Variants in RPL27 observed in about 807,000 individuals in gnomAD.
RPL27 encodes large ribosomal subunit protein eL27.
For missense variants in RPL27, 131 were observed against 174.3 expected, an observed-to-expected ratio of 0.75 and a Z score of 1.40; for synonymous variants, 77 against 61.0, an observed-to-expected ratio of 1.26 and a Z score of -1.22.
chr17:43,002,044 A>C (rs2050368312), intron 3 of RPL27, among the ~76,000 whole-genome samples: 1 of 151,516 alleles, frequency 6.6e-6, no homozygotes. Flanking sequence ...CAGTGAGCCG[A>C]GATTGCGCCA....
In RPL27 at chr17:43,000,088, C is replaced by T. The variant is rs767014631; in HGVS notation, c.237C>T (p.His79=). The T allele has an allele frequency of 1.2e-6, 2 of 1,612,068 alleles. No individual in the cohort carries two copies. The highest frequency in any genetic ancestry group is 1.1e-5 in the South Asian group (1 of 91,024). The change falls in exon 3 of 5, where the codon CAC becomes CAT. Residue 79 remains histidine, a synonymous_variant. Coordinates refer to ENST00000253788, the MANE Select transcript of RPL27 (RefSeq NM_000988.5). The part of the protein sequence containing the change: ...KSFVKVYNYN[H]LMPTRYSVDI... The stretch of plus-strand genomic sequence containing the variant: ...TTGTGAAAGTGTATAACTACAATCA[C>T]CTAATGCCCACAAGGTGAGCATTTC...
chr17:42,999,019 C>T (rs1017527693), intron 2 of RPL27, 188 bp downstream of exon 2: 1 of 566,500 alleles, frequency 1.8e-6, no homozygotes, highest in African/African-American at 1.9e-5. Flanking sequence ...AATTGGGCTC[C>T]CAACGCATAA....
intron 2 of RPL27, 39 bp downstream of exon 2, chr17:42,998,870 G>C: frequency 6.4e-7 from 1 of 1,564,960 alleles, no homozygotes; most frequent in Non-Finnish European, 8.8e-7. Context: ...TGCATGCCGG[G>C]ACCAGGCTGG....
chr17:42,999,427 AG>A (rs2050335686), intron 2 of RPL27: 1 of 155,538 alleles, frequency 6.4e-6, no homozygotes, highest in Admixed American at 6.4e-5. Flanking sequence ...AAGGTCACAT[AG>A]CCCCTCACTG....
At chr17:43,002,025 C>T (rs2050367941) in intron 3 of RPL27, among the ~76,000 whole-genome samples, 3 of 150,236 alleles carry the variant, frequency 2.0e-5, no homozygotes, top group African/African-American at 2.5e-5. Flanking sequence ...ACCTAGGAGG[C>T]GGAGGTTGCA....
intron 2 of RPL27, chr17:42,999,114 A>G (rs957662779): frequency 5.0e-6 from 2 of 400,860 alleles, no homozygotes; most frequent in Non-Finnish European, 9.1e-6. Flanking sequence ...CCTTTCAGGT[A>G]TTGTCATGTG....
chr17:43,002,558 G>C (rs2151966219), intron 3 of RPL27, 115 bp from the exon 4 acceptor site: 1 of 682,976 alleles, frequency 1.5e-6, no homozygotes, highest in Non-Finnish European at 2.7e-6. Context: ...CATGGCTTTT[G>C]ATGGTTGCTT....
intron 3 of RPL27, among the ~76,000 whole-genome samples, chr17:43,002,243 C>T (rs1036233721): frequency 7.9e-5 from 12 of 151,272 alleles, no homozygotes; most frequent in African/African-American, 2.4e-4. Context: ...CGGTGACTCA[C>T]GCCTATAATC....
intron 3 of RPL27, 71 bp downstream of exon 3, chr17:43,000,173 G>A: frequency 8.2e-7 from 1 of 1,216,236 alleles, no homozygotes; most frequent in Non-Finnish European, 1.2e-6. Context: ...AGACCTTGCA[G>A]CCATTCCAAC....
At chr17:43,002,321 CTG>C (rs71831222) in intron 3 of RPL27, among the ~76,000 whole-genome samples, 5,074 of 151,702 alleles carry the variant, frequency 0.033, 201 homozygotes, top group African/African-American at 0.097. Flanking sequence ...CTGGCTAACA[CTG>C]TGAAACCCCG....
At position 42,998,828 on chromosome 17, in the gene RPL27, G is replaced by A; in HGVS notation, c.78G>A (p.Val26=). 1 of 1,613,550 alleles carries A rather than the reference G, an allele frequency of 6.2e-7. No homozygotes were observed. Among genetic ancestry groups the A allele is most frequent in the Non-Finnish European group, 8.5e-7 (1 of 1,179,544 alleles). Reference sequence around the variant, plus strand: ...ACTCCGGACGCAAAGCTGTCATCGTGAAGGTATCAGCCTCGCGGGACTCTG... The same window carrying A: ...ACTCCGGACGCAAAGCTGTCATCGTAAAGGTATCAGCCTCGCGGGACTCTG... ...GRYSGRKAVI[V]KNIDDGTSDR... The change falls in exon 2 of 5, where the codon GTG becomes GTA. Residue 26 remains valine (V), a synonymous_variant. Transcript: ENST00000253788.
rs375031928 is a variant in RPL27, at chr17:43,002,661, C to T, written c.252-12C>T. On this transcript the variant is annotated splice_polypyrimidine_tract_variant and intron_variant, in intron 3 of 4. Coordinates refer to ENST00000253788, the MANE Select transcript of RPL27 (RefSeq NM_000988.5). ...ATGTGGGCTAATCCTGCCTCTCCAC[C>T]TTTGTCCCCAGGTACTCTGTGGATA... The T allele has an allele frequency of 1.9e-6, 3 of 1,554,888 alleles. No individual in the cohort carries two copies. The highest frequency in any genetic ancestry group is 2.7e-6 in the Non-Finnish European group (3 of 1,126,540).
intron 1 of RPL27, 52 bp from the exon 2 acceptor site, chr17:42,998,697 C>A: frequency 1.5e-6 from 2 of 1,376,224 alleles, no homozygotes; most frequent in Non-Finnish European, 2.1e-6. Context: ...CAGCTCTGGG[C>A]ATCTTTGGCT....
chr17:42,999,997 A>G lies in RPL27; in HGVS notation c.146A>G (p.Tyr49Cys), dbSNP rs1384721873. 2 of 1,612,208 alleles carry G rather than the reference A, an allele frequency of 1.2e-6. No individual in the cohort carries two copies. The highest frequency in any genetic ancestry group is 1.7e-6 in the Non-Finnish European group (2 of 1,179,854). Reference sequence around the variant, plus strand: ...GCTCTGGTGGCTGGAATTGACCGCTACCCCCGCAAAGTGACAGCTGCCATG... The same window carrying G: ...GCTCTGGTGGCTGGAATTGACCGCTGCCCCCGCAAAGTGACAGCTGCCATG... The part of the protein sequence containing the change: ...SHALVAGIDR[Y>C]PRKVTAAMGK... The change falls in exon 3 of 5, where the codon TAC becomes TGC. Residue 49 changes from tyrosine (Y) to cysteine (C), a missense_variant. Coordinates refer to ENST00000253788, the MANE Select transcript of RPL27 (RefSeq NM_000988.5).
chr17:43,001,065 C>A (rs970676186), intron 3 of RPL27, among the ~76,000 whole-genome samples: 5 of 151,870 alleles, frequency 3.3e-5, no homozygotes, highest in African/African-American at 1.2e-4. Context: ...GGTGCAAGGC[C>A]GGGCACAGTG....
intron 2 of RPL27, 96 bp from the exon 3 acceptor site, chr17:42,999,837 C>A: frequency 3.2e-6 from 3 of 926,618 alleles, no homozygotes; most frequent in Non-Finnish European, 5.1e-6. Context: ...TCTTGGAGAC[C>A]TGAGGGTGGA....
intron 2 of RPL27, 22 bp from the exon 3 acceptor site, chr17:42,999,911 A>C (rs1048942740): frequency 1.2e-6 from 2 of 1,601,586 alleles, no homozygotes; most frequent in Non-Finnish European, 8.5e-7. Context: ...GTGAATAACA[A>C]ATGTAATTCT....
chr17:43,002,748 G>T lies in RPL27; in HGVS notation c.327G>T (p.Lys109Asn). Residue 109 changes from lysine (K) to asparagine (N), a missense_variant, in exon 4 of 5, where the codon AAG (lysine) becomes AAT (asparagine). Physicochemically the swap from Lys to Asn is moderately conservative, Grantham distance 94 (BLOSUM62 0). Transcript: ENST00000253788. ...DVFRDPALKR[K>N]ARREAKVKFE... Reference sequence around the variant, plus strand: ...TCAGAGATCCTGCTCTTAAACGCAAGGCCCGACGGGAGGCCAAGGTCAAGT... The same window carrying T: ...TCAGAGATCCTGCTCTTAAACGCAATGCCCGACGGGAGGCCAAGGTCAAGT... 1.2e-6 allele frequency: 2 copies of T among 1,613,808 alleles called. No individual in the cohort carries two copies. Among genetic ancestry groups the T allele is most frequent in the East Asian group, 2.2e-5 (1 of 44,832 alleles).
Position 43,002,787 on chromosome 17 carries a change from A to G in RPL27, c.362+4A>G. 1 of 1,610,460 alleles carries G rather than the reference A, an allele frequency of 6.2e-7. No homozygotes were observed. The highest frequency in any genetic ancestry group is 8.5e-7 in the Non-Finnish European group (1 of 1,176,660). On this transcript the variant is annotated splice_donor_region_variant and intron_variant, in intron 4 of 4. Transcript: ENST00000253788. Reference sequence around the variant, plus strand: ...CCAAGGTCAAGTTTGAAGAGAGGTAAGTAGGCTTTGGTAGTGAATGGTGGA... The same window carrying G: ...CCAAGGTCAAGTTTGAAGAGAGGTAGGTAGGCTTTGGTAGTGAATGGTGGA...
Sources: gnomAD v4.1 joint callset for allele counts (sites outside exome capture counted in the v4.1 genomes callset) on GRCh38, gnomAD v4.1.1 for gene constraint, MANE v1.5 for transcripts, NCBI Gene and HGNC (gene_info 2026-07-23, HGNC 2026-07-21) for gene names.